The following SND1 variants were observed in gnomAD, a reference collection of about 807,000 sequenced individuals.
SND1 encodes staphylococcal nuclease domain-containing protein 1.
Under a neutral mutation model 121.7 loss-of-function variants are expected in SND1, and 38 were observed. The ratio of observed to expected loss-of-function variants is 0.31; its 90% CI spans 0.24 to 0.41. SND1 has a LOEUF of 0.41. SND1 is among the 10% of genes least tolerant of loss of function. The pLI, the probability that SND1 is intolerant of heterozygous loss-of-function variation, is 1.00. For missense variants in SND1, 868 were observed against 1,184.6 expected (o/e 0.73, Z 3.92); for synonymous variants, 401 against 447.4 (o/e 0.90, Z 1.31).
chr7:127,666,559 A>G lies in SND1; in HGVS notation c.78+14108A>G, dbSNP rs1032705646. Among the ~76,000 whole-genome samples the G allele has an allele frequency of 2.6e-5, 4 of 152,222 alleles. No homozygotes were observed. In the South Asian group the frequency reaches 6.2e-4, roughly 24 times the overall value. On this transcript the variant is annotated intron_variant, in intron 1 of 23. Transcript: ENST00000354725. ...TCTGCTTTATATGTTAAAGAGTTTA[A>G]TTATTTGTTATTCATTGGAGAGAGT...
At chr7:127,947,847 C>T (rs1801363571) in intron 15 of SND1, among the ~76,000 whole-genome samples, 1 of 152,186 alleles carries the variant, frequency 6.6e-6, no homozygotes, top group Non-Finnish European at 1.5e-5. Flanking sequence ...TCCCACCCAT[C>T]AGTGAATAGT....
At chr7:127,798,312 G>A (rs1798062705) in intron 10 of SND1, among the ~76,000 whole-genome samples, 1 of 152,166 alleles carries the variant, frequency 6.6e-6, no homozygotes, top group South Asian at 2.1e-4. Context: ...CTCTCACTGT[G>A]GCTAGTGTGG....
At chr7:127,853,330 A>G (rs1799209310) in intron 12 of SND1, among the ~76,000 whole-genome samples, 1 of 152,232 alleles carries the variant, frequency 6.6e-6, no homozygotes, top group Admixed American at 6.5e-5. Context: ...GTATATAGAT[A>G]ATAGACTTTT....
chr7:127,704,919 C>T lies in SND1; in HGVS notation c.921C>T (p.Gly307=), dbSNP rs115701447. 1.6e-3 allele frequency: 2,526 copies of T among 1,613,944 alleles called. 33 individuals carry two copies. In the African/African-American group the frequency reaches 0.027, roughly 17 times the overall value. The stretch of plus-strand genomic sequence containing the variant: ...GGTCGATTGCAGTTTACACCCGGGG[C>T]GCAGAAAAGCTGAGGGCGGCAGAGA... ...VDWSIAVYTR[G]AEKLRAAERF... Residue 307 remains glycine, a synonymous_variant, in exon 8 of 24, where the codon GGC becomes GGT. Transcript: ENST00000354725.
intron 14 of SND1, among the ~76,000 whole-genome samples, chr7:127,917,299 A>G (rs1190693227): frequency 6.6e-6 from 1 of 152,230 alleles, no homozygotes; most frequent in Non-Finnish European, 1.5e-5. Flanking sequence ...CTATATTTCT[A>G]ACTACTTTAG....
At chr7:127,836,234 C>T (rs1449265629) in intron 11 of SND1, among the ~76,000 whole-genome samples, 1 of 152,052 alleles carries the variant, frequency 6.6e-6, no homozygotes, top group Non-Finnish European at 1.5e-5. Flanking sequence ...AAAAATGTAT[C>T]AAATAAGAAC....
chr7:127,916,777 T>C (rs1800588753), intron 14 of SND1, among the ~76,000 whole-genome samples: 1 of 152,144 alleles, frequency 6.6e-6, no homozygotes, highest in African/African-American at 2.4e-5. Context: ...ATTCCATGAG[T>C]TACTGGTGAC....
intron 16 of SND1, among the ~76,000 whole-genome samples, chr7:128,026,746 CT>C (rs1309459308): frequency 6.6e-6 from 1 of 152,198 alleles, no homozygotes; most frequent in Non-Finnish European, 1.5e-5. Context: ...TGGCATTTAA[CT>C]TTTGGCCAGG....
intron 15 of SND1, among the ~76,000 whole-genome samples, chr7:127,964,467 A>T (rs1005682101): frequency 2.0e-5 from 3 of 150,454 alleles, no homozygotes; most frequent in African/African-American, 7.3e-5. Flanking sequence ...TCAGCTTTCT[A>T]CATATGGCTA....
intron 16 of SND1, chr7:127,998,253 A>T (rs962905443): frequency 6.5e-6 from 2 of 308,006 alleles, no homozygotes; most frequent in East Asian, 1.6e-4. Context: ...CTGTTGAAGT[A>T]TTAAGACTGG....
At chr7:127,753,005 G>A (rs1444732850) in intron 10 of SND1, among the ~76,000 whole-genome samples, 1 of 152,270 alleles carries the variant, frequency 6.6e-6, no homozygotes. Flanking sequence ...CATTGATCAG[G>A]TACTGTTTTC....
At chr7:127,776,177 T>C (rs1797617281) in intron 10 of SND1, among the ~76,000 whole-genome samples, 1 of 152,196 alleles carries the variant, frequency 6.6e-6, no homozygotes, top group Non-Finnish European at 1.5e-5. Flanking sequence ...GGCTTTCATC[T>C]AGCAGTTTTA....
chr7:127,665,650 G>T (rs1445554205), intron 1 of SND1, among the ~76,000 whole-genome samples: 2 of 152,120 alleles, frequency 1.3e-5, no homozygotes, highest in Non-Finnish European at 2.9e-5. Context: ...ATAGGTATAG[G>T]GACCACTGCA....
Position 127,673,033 on chromosome 7 carries a change from TATATA to T in SND1, c.79-13576_79-13572del, listed in dbSNP as rs369569531. Among the ~76,000 whole-genome samples, 124 of 151,838 alleles carry T rather than the reference TATATA, an allele frequency of 8.2e-4. 1 individual carries two copies. Among genetic ancestry groups the T allele is most frequent in the Admixed American group, 2.8e-3 (42 of 15,230 alleles). On this transcript the variant is annotated intron_variant, in intron 1 of 23. Coordinates refer to ENST00000354725, the MANE Select transcript of SND1 (RefSeq NM_014390.4). ...AGTGTAATTTTAGGTATAAGTATCT[TATATA>T]ATAAGTATTTTATGTAATAAGTAAT... is the stretch of plus-strand genomic sequence containing the variant.
intron 15 of SND1, among the ~76,000 whole-genome samples, chr7:127,984,834 C>G (rs1802348036): frequency 6.6e-6 from 1 of 152,150 alleles, no homozygotes; most frequent in South Asian, 2.1e-4. Context: ...GATCCTGGAA[C>G]CTGAGGTGAT....
chr7:127,986,817 C>G (rs546993131), intron 15 of SND1, among the ~76,000 whole-genome samples: 35 of 152,318 alleles, frequency 2.3e-4, no homozygotes, highest in South Asian at 1.2e-3. Context: ...TCAGCTGAGT[C>G]CCCCCATGGG....
Position 127,911,693 on chromosome 7 carries a change from G to T in SND1, c.1527+6874G>T, listed in dbSNP as rs375001673. On this transcript the variant is annotated intron_variant, in intron 14 of 23. Coordinates refer to ENST00000354725, the MANE Select transcript of SND1 (RefSeq NM_014390.4). The stretch of plus-strand genomic sequence containing the variant: ...GTTTTTGTATTTTTAGTAGAGACGG[G>T]GTTTCACCATGTTGGTCAGGCTGGT... 7.7e-3 allele frequency among the ~76,000 whole-genome samples: 1,170 copies of T among 152,164 alleles called. 16 individuals are homozygous for T. Among genetic ancestry groups the T allele is most frequent in the African/African-American group, 0.027 (1,113 of 41,518 alleles).
intron 15 of SND1, among the ~76,000 whole-genome samples, chr7:127,932,904 C>G (rs975629008): frequency 6.6e-6 from 1 of 152,178 alleles, no homozygotes; most frequent in African/African-American, 2.4e-5. Context: ...TTGCAATATT[C>G]ACTTCATTGC....
chr7:127,766,621 A>T (rs542463872), intron 10 of SND1, among the ~76,000 whole-genome samples: 3 of 151,780 alleles, frequency 2.0e-5, no homozygotes, highest in East Asian at 1.9e-4. Context: ...TAAAAATACA[A>T]AAAATTAGCC....
Sources: allele counts gnomAD v4.1 joint callset (sites outside exome capture counted in the v4.1 genomes callset), GRCh38; gene constraint gnomAD v4.1.1; transcripts MANE v1.5; gene names NCBI Gene and HGNC (gene_info 2026-07-23, HGNC 2026-07-21).